GDA: variants seen among roughly 807,000 people sequenced by gnomAD.
GDA encodes the protein guanine deaminase, also known as cytoplasmic PSD-95 interactor.
Under a neutral mutation model 59.6 loss-of-function variants are expected in GDA, and 18 were observed. The observed-to-expected ratio is 0.30, with a 90% CI of 0.21 to 0.45. GDA has a LOEUF of 0.45. Ranked by LOEUF, GDA falls within the 20% of genes least tolerant of loss-of-function variation. The pLI, the probability that GDA is intolerant of heterozygous loss-of-function variation, is 1.00. For synonymous variants in GDA, 201 were observed against 201.1 expected, an observed-to-expected ratio of 1.00 and a Z score of 0.00; for missense variants, 427 against 552.3, an observed-to-expected ratio of 0.77 and a Z score of 2.27.
At chr9:72,152,369 TA>T (rs1217551431) in intron 1 of GDA, among the ~76,000 whole-genome samples, 1 of 152,242 alleles carries the variant, frequency 6.6e-6, no homozygotes, top group Non-Finnish European at 1.5e-5. Flanking sequence ...AAAAGCAGGT[TA>T]ATTAAAAGAA....
At chr9:72,231,742 G>A (rs990977705) in intron 10 of GDA, among the ~76,000 whole-genome samples, 4 of 152,232 alleles carry the variant, frequency 2.6e-5, no homozygotes, top group Middle Eastern at 3.4e-3. Context: ...TTGTTCTTCT[G>A]GCTAGGTTTT....
At chr9:72,128,019 G>T (rs1825903564) in intron 1 of GDA, among the ~76,000 whole-genome samples, 2 of 152,032 alleles carry the variant, frequency 1.3e-5, no homozygotes, top group Non-Finnish European at 2.9e-5. Flanking sequence ...CACCTATTTT[G>T]CTTAGTGGTT....
At chr9:72,185,480 T>C (rs1831755004) in intron 1 of GDA, among the ~76,000 whole-genome samples, 1 of 152,208 alleles carries the variant, frequency 6.6e-6, no homozygotes, top group African/African-American at 2.4e-5. Context: ...GTTTTTATTT[T>C]AAGGCAATCT....
At chr9:72,167,647 TG>T (rs1554658474) in intron 1 of GDA, among the ~76,000 whole-genome samples, 4 of 152,174 alleles carry the variant, frequency 2.6e-5, no homozygotes, top group Non-Finnish European at 5.9e-5. Flanking sequence ...GCCCTCAGAA[TG>T]TACAGGTCTA....
intron 9 of GDA, among the ~76,000 whole-genome samples, chr9:72,229,800 C>A (rs987512587): frequency 6.6e-6 from 1 of 152,088 alleles, no homozygotes; most frequent in African/African-American, 2.4e-5. Flanking sequence ...GTGCTGAGAG[C>A]CACAGTGACA....
At chr9:72,202,886 C>T in intron 3 of GDA, 144 bp downstream of exon 3, 1 of 497,812 alleles carries the variant, frequency 2.0e-6, no homozygotes, top group South Asian at 4.0e-5. Context: ...TTTCACAGTC[C>T]AGTGAGTTTG....
At chr9:72,218,404 G>C (rs1316070501) in intron 5 of GDA, among the ~76,000 whole-genome samples, 5 of 152,200 alleles carry the variant, frequency 3.3e-5, no homozygotes, top group South Asian at 2.1e-4. Context: ...CATGCTCACA[G>C]AGAGGAGGAA....
intron 1 of GDA, among the ~76,000 whole-genome samples, chr9:72,152,491 G>A (rs1486380586): frequency 2.6e-5 from 4 of 152,216 alleles, no homozygotes; most frequent in Non-Finnish European, 1.5e-5. Context: ...TCTAACTGGT[G>A]TGAGCTGATA....
chr9:72,133,574 A>G (rs1402107873), intron 1 of GDA, among the ~76,000 whole-genome samples: 1 of 152,178 alleles, frequency 6.6e-6, no homozygotes, highest in Non-Finnish European at 1.5e-5. Flanking sequence ...TAGCCCACAT[A>G]GCAATTATTC....
In GDA at chr9:72,206,820, T is replaced by A. The variant is rs943159137; in HGVS notation, c.385-3867T>A. On this transcript the variant is annotated intron_variant, in intron 3 of 13. Transcript: ENST00000358399. ...TAATTTAACAATGAGCTTTGCTTTT[T>A]ATTTTGCTACTTGGATCCCTGTCTT... Among the ~76,000 whole-genome samples the A allele has an allele frequency of 5.3e-5, 8 of 152,208 alleles. 1 individual carries two copies. Among genetic ancestry groups the A allele is most frequent in the Non-Finnish European group, 8.8e-5 (6 of 68,032 alleles).
In GDA at chr9:72,150,040, G is replaced by C. The variant is rs548571211; in HGVS notation, c.123+358G>C. Among the ~76,000 whole-genome samples the C allele has an allele frequency of 4.6e-5, 7 of 151,238 alleles. No individual in the cohort carries two copies. In the East Asian group the frequency reaches 1.4e-3, roughly 30 times the overall value. On this transcript the variant is annotated intron_variant, in intron 1 of 13. Coordinates refer to ENST00000358399, the MANE Select transcript of GDA (RefSeq NM_004293.5). ...CTTCAATCTTGCTTAAATCATCTTT[G>C]TTTCCAACACCTAGCACTGTGCCTG...
At chr9:72,196,053 A>T (rs908231503) in intron 2 of GDA, among the ~76,000 whole-genome samples, 10 of 152,106 alleles carry the variant, frequency 6.6e-5, no homozygotes, top group Admixed American at 4.6e-4. Context: ...AAAATTTGAG[A>T]ATCAATTGGT....
intron 12 of GDA, among the ~76,000 whole-genome samples, chr9:72,246,040 G>A (rs1240598636): frequency 6.6e-6 from 1 of 152,140 alleles, no homozygotes; most frequent in Non-Finnish European, 1.5e-5. Context: ...TGTACCATTT[G>A]TTATTATAAA....
At position 72,134,561 on chromosome 9, in the gene GDA, C is replaced by T. The variant is rs79981920; in HGVS notation, c.-100+19728C>T. Among the ~76,000 whole-genome samples the T allele has an allele frequency of 7.2e-3, 1,096 of 152,064 alleles. 14 individuals are homozygous for T. The highest frequency in any genetic ancestry group is 0.025 in the African/African-American group (1,022 of 41,438). The stretch of plus-strand genomic sequence containing the variant: ...GGATTACAGGCGCCCACCACCATGC[C>T]CAGCTATTTTTTTTTATTTTTAGTA... On this transcript the variant is annotated intron_variant, in intron 1 of 13. Transcript: ENST00000545168.
At chr9:72,153,406 G>A (rs1827474348) in intron 1 of GDA, among the ~76,000 whole-genome samples, 1 of 151,910 alleles carries the variant, frequency 6.6e-6, no homozygotes, top group Non-Finnish European at 1.5e-5. Flanking sequence ...TTCAACCATT[G>A]TGGAAGTCAG....
intron 8 of GDA, among the ~76,000 whole-genome samples, chr9:72,226,629 A>C (rs867184334): frequency 6.6e-6 from 1 of 152,212 alleles, no homozygotes. Context: ...ATAGCAAATA[A>C]TTTCTTAGTG....
At chr9:72,231,285 A>T (rs74684614) in intron 10 of GDA, 104 bp downstream of exon 10, 1 of 641,638 alleles carries the variant, frequency 1.6e-6, no homozygotes, top group Non-Finnish European at 2.8e-6. Flanking sequence ...AAAAAAAAAA[A>T]TTAGTTTTGG....
chr9:72,202,613 CT>C lies in GDA; in HGVS notation c.256del (p.Ser86LeufsTer10). ...PGLVDTHIHA[S>X]QYSFAGSSID... ...GGCTGGTTGATACACACATCCATGC[CT>C]CTCAGTATTCCTTTGCTGGAAGTAG... On this transcript the variant is annotated frameshift_variant, in exon 3 of 14. Transcript: ENST00000358399. LOFTEE classifies it high-confidence loss of function. The C allele has an allele frequency of 1.9e-6, 3 of 1,611,768 alleles. No individual in the cohort carries two copies. The highest frequency in any genetic ancestry group is 2.5e-6 in the Non-Finnish European group (3 of 1,177,966).
intron 1 of GDA, among the ~76,000 whole-genome samples, chr9:72,168,613 A>G (rs1434164240): frequency 6.6e-6 from 1 of 151,954 alleles, no homozygotes; most frequent in Non-Finnish European, 1.5e-5. Context: ...GGCTGGTCTC[A>G]GTCTCCTGGC....
Sources: allele counts gnomAD v4.1 joint callset (sites outside exome capture counted in the v4.1 genomes callset), GRCh38; gene constraint gnomAD v4.1.1; transcripts MANE v1.5; gene names NCBI Gene and HGNC (gene_info 2026-07-23, HGNC 2026-07-21).